CTBP2: variants seen among roughly 807,000 people sequenced by gnomAD.
The protein encoded by CTBP2 is C-terminal-binding protein 2.
Under a neutral mutation model 80.3 loss-of-function variants are expected in CTBP2, and 30 were observed. The observed-to-expected ratio is 0.37, with a 90% confidence interval of 0.28 to 0.51. CTBP2 has a LOEUF of 0.51. CTBP2 is among the 20% of genes least tolerant of loss of function. The pLI is 0.93. For synonymous variants in CTBP2, 594 were observed against 587.4 expected (o/e 1.01, Z -0.16); for missense variants, 1,212 against 1,375.3 (o/e 0.88, Z 1.88).
At position 124,993,299 on chromosome 10, in the gene CTBP2, C is replaced by T. The variant is rs74769610; in HGVS notation, c.2562G>A (p.Pro854=). ...CAGTGTGAGGAGTGCAGATGAGATT[C>T]GGGGCATCTTTCAACGGACCCTGAG... Residue 854 remains proline (P), a synonymous_variant, in exon 7 of 9, where the codon CCG becomes CCA. Coordinates refer to ENST00000309035, the MANE Select transcript of CTBP2 (RefSeq NM_022802.3). 20 of 1,609,348 alleles carry T rather than the reference C, an allele frequency of 1.2e-5. No individual in the cohort carries two copies. In the African/African-American group the frequency reaches 1.3e-4, roughly 11 times the overall value.
chr10:125,118,728 A>AG (rs1465378623), intron 1 of CTBP2, among the ~76,000 whole-genome samples: 3 of 32,830 alleles, frequency 9.1e-5, no homozygotes, highest in African/African-American at 1.1e-4. Context: ...GGGGGGTGGG[A>AG]GGGGGGGATG....
rs201007216 is a variant in CTBP2, at chr10:125,090,311, G to A, written c.-102+20679C>T. On this transcript the variant is annotated intron_variant, in intron 2 of 10. Transcript: ENST00000337195. ...AAAAAAAAAAAAAAAAAGGTTGGGG[G>A]GATGGGATTTGGCTGAAACATGAAA... is the stretch of plus-strand genomic sequence containing the variant. Among the ~76,000 whole-genome samples, 24 of 117,014 alleles carry A rather than the reference G, an allele frequency of 2.1e-4. No homozygotes were observed. The East Asian group carries it at 4.5e-3, about 22-fold the overall frequency. 76.8% of individuals were successfully genotyped at this position (117,014 alleles called of 152,430 possible).
intron 1 of CTBP2, among the ~76,000 whole-genome samples, chr10:125,140,828 C>T (rs981447071): frequency 6.7e-6 from 1 of 150,184 alleles, no homozygotes; most frequent in Non-Finnish European, 1.5e-5. Context: ...GTCAAAAAAA[C>T]AATAAAAAGA....
chr10:125,044,259 C>T (rs2135081829), intron 2 of CTBP2, among the ~76,000 whole-genome samples: 1 of 152,324 alleles, frequency 6.6e-6, no homozygotes, highest in Non-Finnish European at 1.5e-5. Context: ...GACCACTGTG[C>T]CAAGATGAGG....
At position 125,097,476 on chromosome 10, in the gene CTBP2, C is replaced by T. The variant is rs151178606; in HGVS notation, c.-102+13514G>A. ...CCTCAGTTCTCTACCGTGGAGAAGT[C>T]ACAAGCCGCACTCCTCAAAGCCAAC... On this transcript the variant is annotated intron_variant, in intron 2 of 10. Coordinates refer to the CTBP2 transcript ENST00000337195. Among the ~76,000 whole-genome samples the T allele has an allele frequency of 1.5e-3, 228 of 152,260 alleles. 1 individual carries two copies. Among genetic ancestry groups the T allele is most frequent in the Admixed American group, 2.4e-3 (37 of 15,300 alleles).
At chr10:125,127,958 A>AT (rs1199937725) in intron 1 of CTBP2, among the ~76,000 whole-genome samples, 1 of 152,230 alleles carries the variant, frequency 6.6e-6, no homozygotes. Flanking sequence ...AAGAGGTAGG[A>AT]TATAAATACA....
At chr10:125,117,080 GCCA>G (rs1169087804) in intron 1 of CTBP2, among the ~76,000 whole-genome samples, 2 of 152,306 alleles carry the variant, frequency 1.3e-5, no homozygotes, top group African/African-American at 4.8e-5. Flanking sequence ...GCAGTCTCTG[GCCA>G]CCTGTGTGTG....
intron 8 of CTBP2, among the ~76,000 whole-genome samples, chr10:124,989,929 G>A (rs1032600281): frequency 1.3e-5 from 2 of 152,092 alleles, no homozygotes; most frequent in East Asian, 1.9e-4. Context: ...GTAGAGATGC[G>A]GTTTTGCCAG....
At chr10:125,069,297 C>G (rs187928725) in intron 2 of CTBP2, among the ~76,000 whole-genome samples, 3 of 152,308 alleles carry the variant, frequency 2.0e-5, no homozygotes, top group Admixed American at 2.0e-4. Flanking sequence ...TGTAAACGCC[C>G]ACAATGATGA....
intron 2 of CTBP2, among the ~76,000 whole-genome samples, chr10:125,040,355 T>C (rs1438527995): frequency 2.0e-5 from 3 of 149,008 alleles, no homozygotes; most frequent in African/African-American, 5.0e-5. Context: ...CTTGGGAGGC[T>C]GAGGCAAAAG....
At chr10:125,037,892 CTATCTT>C (rs1345536742) in intron 3 of CTBP2, among the ~76,000 whole-genome samples, 1 of 152,192 alleles carries the variant, frequency 6.6e-6, no homozygotes, top group East Asian at 1.9e-4. Context: ...ATGTATATCT[CTATCTT>C]TATCTCCCCT....
At chr10:125,070,185 A>C (rs1372711751) in intron 2 of CTBP2, among the ~76,000 whole-genome samples, 1 of 152,008 alleles carries the variant, frequency 6.6e-6, no homozygotes, top group Non-Finnish European at 1.5e-5. Context: ...CCCGGTCTCT[A>C]CTAAAAATAC....
chr10:125,030,552 G>A (rs1224770259), upstream of CTBP2, among the ~76,000 whole-genome samples: 1 of 152,240 alleles, frequency 6.6e-6, no homozygotes, highest in Non-Finnish European at 1.5e-5. Context: ...CTGCCAACAA[G>A]CATTTCATGT....
chr10:125,026,998 A>G lies in CTBP2; in HGVS notation c.762T>C (p.Asn254=). The change falls in exon 1 of 9, where the codon AAT becomes AAC. Residue 254 remains asparagine, a synonymous_variant. Transcript: ENST00000309035. ...TTTCCCGGGCAGGCCCGTAGCCACGATTCAGGGCCCCTGGGGCCACCCCTG... is the reference window on the plus strand; with the variant it reads ...TTTCCCGGGCAGGCCCGTAGCCACGGTTCAGGGCCCCTGGGGCCACCCCTG... The G allele has an allele frequency of 1.2e-6, 2 of 1,613,948 alleles. No homozygotes were observed. The highest frequency in any genetic ancestry group is 1.3e-5 in the African/African-American group (1 of 75,042).
intron 2 of CTBP2, among the ~76,000 whole-genome samples, chr10:125,044,765 CAAACTT>C (rs1361944691): frequency 1.3e-5 from 2 of 152,276 alleles, no homozygotes; most frequent in African/African-American, 4.8e-5. Flanking sequence ...GAGCCTGTCT[CAAACTT>C]AAAGCAACAG....
intron 4 of CTBP2, 28 bp from the exon 7 acceptor site, chr10:124,994,711 G>T (rs773255956): frequency 1.1e-5 from 18 of 1,610,866 alleles, no homozygotes; most frequent in Non-Finnish European, 1.7e-6. Context: ...GTCCAGGTGA[G>T]TGAGTCCACA....
At chr10:125,063,478 G>A (rs551682582) in intron 2 of CTBP2, among the ~76,000 whole-genome samples, 5 of 152,250 alleles carry the variant, frequency 3.3e-5, no homozygotes, top group South Asian at 2.1e-4. Flanking sequence ...CGACTCGTGC[G>A]AAAGGCCTCA....
chr10:125,118,552 G>A (rs1301957732), intron 1 of CTBP2, among the ~76,000 whole-genome samples: 9 of 152,156 alleles, frequency 5.9e-5, no homozygotes, highest in Non-Finnish European at 1.2e-4. Context: ...AAAGCTGCCC[G>A]TGGGCCATGG....
chr10:125,106,346 G>A (rs1376931354), intron 2 of CTBP2, among the ~76,000 whole-genome samples: 2 of 152,216 alleles, frequency 1.3e-5, no homozygotes, highest in African/African-American at 4.8e-5. Context: ...GGACCCTGCA[G>A]TGTATGGGAA....
Sources: allele counts gnomAD v4.1 joint callset (sites outside exome capture counted in the v4.1 genomes callset), GRCh38; gene constraint gnomAD v4.1.1; transcripts MANE v1.5; gene names NCBI Gene and HGNC (gene_info 2026-07-23, HGNC 2026-07-21).